Variants in PTPRZ1 observed in about 807,000 individuals in gnomAD.
PTPRZ1 encodes the protein receptor-type tyrosine-protein phosphatase zeta.
PTPRZ1 carries 82 observed loss-of-function variants against 214.1 expected under a neutral mutation model. That is an observed-to-expected ratio of 0.38 (90% CI 0.32 to 0.46). The LOEUF (loss-of-function observed/expected upper bound fraction) is 0.46. Among genes scored for constraint, PTPRZ1 ranks in the 20% least tolerant of loss-of-function variants. PTPRZ1 has a pLI of 1.00. For missense variants in PTPRZ1, 2,603 were observed against 2,748.7 expected, an observed-to-expected ratio of 0.95 and a Z score of 1.19; for synonymous variants, 945 against 987.9, an observed-to-expected ratio of 0.96 and a Z score of 0.81.
chr7:122,015,645 ATC>A (rs1397192640), intron 12 of PTPRZ1, among the ~76,000 whole-genome samples: 14 of 152,052 alleles, frequency 9.2e-5, no homozygotes, highest in Non-Finnish European at 5.9e-5. Flanking sequence ...GAATCCATCT[ATC>A]TGTCTTACCA....
chr7:122,005,405 T>C (rs1476843150), intron 11 of PTPRZ1, among the ~76,000 whole-genome samples: 2 of 151,966 alleles, frequency 1.3e-5, no homozygotes, highest in African/African-American at 4.8e-5. Flanking sequence ...GTGTATAGAT[T>C]GTGTAGGAGC....
At chr7:121,941,425 A>C (rs1188975460) in intron 2 of PTPRZ1, among the ~76,000 whole-genome samples, 2 of 152,148 alleles carry the variant, frequency 1.3e-5, no homozygotes, top group African/African-American at 4.8e-5. Flanking sequence ...GTAAATATAA[A>C]AACTTCTGGT....
At chr7:121,953,440 C>T (rs1234029822) in intron 2 of PTPRZ1, among the ~76,000 whole-genome samples, 2 of 152,150 alleles carry the variant, frequency 1.3e-5, no homozygotes, top group Non-Finnish European at 2.9e-5. Context: ...TGCAGATGAT[C>T]TCTGGTGTCA....
intron 2 of PTPRZ1, among the ~76,000 whole-genome samples, chr7:121,937,714 A>C (rs758988377): frequency 2.0e-5 from 3 of 152,156 alleles, no homozygotes; most frequent in Non-Finnish European, 2.9e-5. Context: ...TGCAAGCTAA[A>C]CTTCATTCCC....
chr7:122,044,162 T>C (rs1263716202), intron 22 of PTPRZ1, among the ~76,000 whole-genome samples: 2 of 152,158 alleles, frequency 1.3e-5, no homozygotes, highest in African/African-American at 4.8e-5. Context: ...CCTTGCCAAC[T>C]CTTCCTGCCT....
intron 1 of PTPRZ1, among the ~76,000 whole-genome samples, chr7:121,914,830 A>T (rs957534842): frequency 2.0e-5 from 3 of 152,054 alleles, no homozygotes; most frequent in Non-Finnish European, 4.4e-5. Context: ...ACTGAACATG[A>T]TGTGAGATGT....
At chr7:121,895,123 G>A (rs911618131) in intron 1 of PTPRZ1, among the ~76,000 whole-genome samples, 2 of 152,042 alleles carry the variant, frequency 1.3e-5, no homozygotes, top group Non-Finnish European at 2.9e-5. Context: ...GCTTTAAAAG[G>A]GTATATTATT....
chr7:122,010,988 A>C lies in PTPRZ1; in HGVS notation c.1942A>C (p.Met648Leu). Residue 648 changes from methionine to leucine, a missense_variant, in exon 12 of 30, where the codon ATG becomes CTG. Around this residue, in one of 6 missense-constraint regions of PTPRZ1, gnomAD observed 1,913 missense variants for 1,914.3 expected, o/e 1.00. Transcript: ENST00000393386. The stretch of plus-strand genomic sequence containing the variant: ...AGAAGAATCACTAAAGGATCCTTCT[A>C]TGGAGGGAAATGTGTGGTTTCCTAG... ...GSEESLKDPS[M>L]EGNVWFPSST... The C allele has an allele frequency of 6.2e-7, 1 of 1,614,134 alleles. No homozygotes were observed. Among genetic ancestry groups the C allele is most frequent in the Non-Finnish European group, 8.5e-7 (1 of 1,180,006 alleles).
At chr7:121,979,926 T>G (rs1797553235) in intron 6 of PTPRZ1, among the ~76,000 whole-genome samples, 1 of 152,256 alleles carries the variant, frequency 6.6e-6, no homozygotes, top group East Asian at 1.9e-4. Context: ...AAAAATCTTG[T>G]GATATCTAGT....
Position 121,976,166 on chromosome 7 carries a change from T to C in PTPRZ1, c.457-7T>C. On this transcript the variant is annotated splice_region_variant and splice_polypyrimidine_tract_variant and intron_variant, in intron 4 of 29. Transcript: ENST00000393386. ...GTATCATAAAACTATCATTGTTACTTTTATAGATGCAAATCTACTGCTTTG... is the reference window on the plus strand; with the variant it reads ...GTATCATAAAACTATCATTGTTACTCTTATAGATGCAAATCTACTGCTTTG... The C allele has an allele frequency of 1.3e-6, 2 of 1,583,566 alleles. No individual in the cohort carries two copies. Among genetic ancestry groups the C allele is most frequent in the Non-Finnish European group, 1.7e-6 (2 of 1,155,196 alleles).
chr7:122,044,433 C>G lies in PTPRZ1; in HGVS notation c.5949C>G (p.Val1983=). 3 of 1,613,738 alleles carry G rather than the reference C, an allele frequency of 1.9e-6. No individual in the cohort carries two copies. Among genetic ancestry groups the G allele is most frequent in the African/African-American group, 1.3e-5 (1 of 75,026 alleles). ...NYLVQTEEQY[V]FIHDTLVEAI... ...CATTGTTTTGCCAGGAGCAATATGT[C>G]TTCATTCATGATACACTGGTTGAGG... is the stretch of plus-strand genomic sequence containing the variant. The change falls in exon 23 of 30, where the codon GTC becomes GTG. Residue 1983 remains valine, a synonymous_variant. Coordinates refer to ENST00000393386, the MANE Select transcript of PTPRZ1 (RefSeq NM_002851.3).
At chr7:121,922,805 G>A (rs1045416252) in intron 1 of PTPRZ1, among the ~76,000 whole-genome samples, 1 of 152,114 alleles carries the variant, frequency 6.6e-6, no homozygotes, top group Non-Finnish European at 1.5e-5. Context: ...CCTTCTTCAA[G>A]CCTTCACAAA....
intron 2 of PTPRZ1, among the ~76,000 whole-genome samples, chr7:121,935,895 G>A (rs1796074586): frequency 6.6e-6 from 1 of 152,226 alleles, no homozygotes; most frequent in East Asian, 1.9e-4. Context: ...ACTCAGTAGG[G>A]CTCTAGTTCG....
chr7:121,908,595 T>G (rs1795182490), intron 1 of PTPRZ1: 4 of 360,954 alleles, frequency 1.1e-5, no homozygotes, highest in Non-Finnish European at 2.1e-5. Context: ...GTCTGTAATG[T>G]TCTCTTTATT....
chr7:121,951,017 AG>A (rs1354511579), intron 2 of PTPRZ1, among the ~76,000 whole-genome samples: 1 of 152,250 alleles, frequency 6.6e-6, no homozygotes, highest in East Asian at 1.9e-4. Flanking sequence ...GAAGATTATA[AG>A]ATCCAAATGA....
rs142920748 is a variant in PTPRZ1 at position 121,984,091 on chromosome 7, C to A, written c.902C>A (p.Thr301Asn). The A allele has an allele frequency of 1.2e-6, 2 of 1,613,030 alleles. No homozygotes were observed. Among genetic ancestry groups the A allele is most frequent in the African/African-American group, 1.3e-5 (1 of 74,860 alleles). The change falls in exon 8 of 30, where the codon ACT (threonine) becomes AAT (asparagine). Residue 301 changes from threonine (T) to asparagine (N), a missense_variant. By Grantham distance (65) the Thr-to-Asn change is moderately conservative (BLOSUM62 0). Coordinates refer to ENST00000393386, the MANE Select transcript of PTPRZ1 (RefSeq NM_002851.3). ...KFSRQVFSSY[T>N]GKEEIHEAVC... ...TCTAGACAGGTGTTTTCCTCATACA[C>A]TGGAAAGGAAGAGATTCATGAAGCA...
intron 17 of PTPRZ1, among the ~76,000 whole-genome samples, chr7:122,036,088 T>C (rs1799524336): frequency 6.6e-6 from 1 of 152,204 alleles, no homozygotes; most frequent in Non-Finnish European, 1.5e-5. Context: ...CTGTAACCAT[T>C]CACAGAAACT....
At chr7:121,923,508 ATGTGTT>A (rs1795662798) in intron 1 of PTPRZ1, among the ~76,000 whole-genome samples, 1 of 152,046 alleles carries the variant, frequency 6.6e-6, no homozygotes, top group African/African-American at 2.4e-5. Context: ...TAACGTGTGT[ATGTGTT>A]TGTGTGTGTA....
At chr7:121,910,389 T>A (rs1465889100) in intron 1 of PTPRZ1, among the ~76,000 whole-genome samples, 1 of 152,212 alleles carries the variant, frequency 6.6e-6, no homozygotes. Flanking sequence ...ATGGTTTTTG[T>A]TAACTTTCTA....
Sources: allele counts gnomAD v4.1 joint callset (sites outside exome capture counted in the v4.1 genomes callset), GRCh38; gene constraint gnomAD v4.1.1; regional missense constraint gnomAD v4.1.1; transcripts MANE v1.5; gene names NCBI Gene and HGNC (gene_info 2026-07-23, HGNC 2026-07-21).